LRPPRC: variants seen among roughly 807,000 people sequenced by gnomAD.
LRPPRC encodes the protein leucine rich pentatricopeptide repeat containing.
LRPPRC carries 120 observed loss-of-function variants against 180.3 expected under a neutral mutation model. The observed-to-expected ratio is 0.67, with a 90% CI of 0.57 to 0.77. The LOEUF (loss-of-function observed/expected upper bound fraction) is 0.77, where lower values mean the gene tolerates loss of function less well. Among genes scored for constraint, LRPPRC ranks in the 30% least tolerant of loss-of-function variants. The pLI, the probability that LRPPRC is intolerant of heterozygous loss-of-function variation, is 0.00. For missense variants in LRPPRC, 2,012 were observed against 1,657.2 expected (o/e 1.21, Z -3.72); for synonymous variants, 723 against 600.0 (o/e 1.21, Z -3.00).
intron 13 of LRPPRC, among the ~76,000 whole-genome samples, chr2:43,957,986 T>G (rs1001508458): frequency 4.7e-4 from 72 of 152,204 alleles, no homozygotes; most frequent in Admixed American, 4.5e-3. Context: ...AGGTCATACG[T>G]CCGTTATGTA....
At chr2:43,987,168 T>A (rs1464316369) in intron 1 of LRPPRC, among the ~76,000 whole-genome samples, 5 of 152,112 alleles carry the variant, frequency 3.3e-5, no homozygotes, top group Non-Finnish European at 5.9e-5. Context: ...TTTAAATGTA[T>A]CCAAAATGCA....
chr2:43,889,379 G>A (rs1430402716), intron 37 of LRPPRC, among the ~76,000 whole-genome samples: 1 of 139,166 alleles, frequency 7.2e-6, no homozygotes, highest in Non-Finnish European at 1.5e-5. Flanking sequence ...ACCAACTTAT[G>A]TAAATGAACA....
intron 23 of LRPPRC, among the ~76,000 whole-genome samples, chr2:43,935,944 G>A (rs889921667): frequency 2.6e-5 from 4 of 152,132 alleles, no homozygotes; most frequent in Admixed American, 1.3e-4. Context: ...TTAGCCGGGC[G>A]TGATGGCGCA....
intron 25 of LRPPRC, among the ~76,000 whole-genome samples, chr2:43,933,752 A>T (rs1019845578): frequency 6.6e-6 from 1 of 152,368 alleles, no homozygotes; most frequent in East Asian, 1.9e-4. Context: ...AGTTGCAGAC[A>T]GCACTTGTTT....
chr2:43,985,833 T>C (rs942875764), intron 1 of LRPPRC, among the ~76,000 whole-genome samples: 2 of 152,240 alleles, frequency 1.3e-5, no homozygotes, highest in African/African-American at 2.4e-5. Flanking sequence ...TTTGAACTCA[T>C]TTGGGTAAAT....
At chr2:43,898,098 AAAAGT>A (rs1055381980) in intron 34 of LRPPRC, among the ~76,000 whole-genome samples, 1 of 151,718 alleles carries the variant, frequency 6.6e-6, no homozygotes, top group Non-Finnish European at 1.5e-5. Flanking sequence ...ACAAAGGAAA[AAAAGT>A]AAACAAGCAA....
intron 20 of LRPPRC, 101 bp from the exon 21 acceptor site, chr2:43,946,344 C>A: frequency 1.2e-6 from 1 of 860,694 alleles, no homozygotes; most frequent in Non-Finnish European, 1.9e-6. Flanking sequence ...GTTAATAGTA[C>A]TTTAAAAATA....
Position 43,943,858 on chromosome 2 carries a change from T to C in LRPPRC, c.2333A>G (p.Asp778Gly). ...GGCTGTTGTATCTTTGATAAGAACA[T>C]CCTTCTCTTTCATCTCCTTCAGAAT... is the stretch of plus-strand genomic sequence containing the variant. ...INILKEMKEK[D>G]VLIKDTTALS... The change falls in exon 23 of 38, where the codon GAT (aspartate) becomes GGT (glycine). Residue 778 changes from aspartate to glycine, a missense_variant. Coordinates refer to ENST00000260665, the MANE Select transcript of LRPPRC (RefSeq NM_133259.4). The C allele has an allele frequency of 6.2e-7, 1 of 1,613,148 alleles. No individual in the cohort carries two copies. The highest frequency in any genetic ancestry group is 8.5e-7 in the Non-Finnish European group (1 of 1,179,242).
upstream of LRPPRC, chr2:43,996,046 G>C: frequency 2.3e-6 from 3 of 1,295,434 alleles, no homozygotes; most frequent in Non-Finnish European, 3.2e-6. Flanking sequence ...CAACTGCCGG[G>C]CGTGCCAAAT....
Position 43,994,964 on chromosome 2 carries a change from G to C in LRPPRC, c.149+835C>G, listed in dbSNP as rs183070584. On this transcript the variant is annotated intron_variant, in intron 1 of 37. Coordinates refer to ENST00000260665, the MANE Select transcript of LRPPRC (RefSeq NM_133259.4). ...TTCATTCAAAGACACTTACAGGACG[G>C]GAGCGGTGGCTCACACCTGTAATCC... Among the ~76,000 whole-genome samples the C allele has an allele frequency of 2.6e-5, 4 of 152,348 alleles. No individual in the cohort carries two copies. In the East Asian group the frequency reaches 5.8e-4, roughly 22 times the overall value.
chr2:43,980,895 C>T (rs1338033664), intron 2 of LRPPRC, among the ~76,000 whole-genome samples: 1 of 152,080 alleles, frequency 6.6e-6, no homozygotes, highest in Non-Finnish European at 1.5e-5. Context: ...TGTTCCAAAA[C>T]TGATTGTAGT....
chr2:43,891,425 CCAA>C (rs1275648045), intron 36 of LRPPRC, among the ~76,000 whole-genome samples: 7 of 152,180 alleles, frequency 4.6e-5, no homozygotes, highest in Non-Finnish European at 1.0e-4. Flanking sequence ...TGCCATTTTT[CCAA>C]CAATATGTGC....
At chr2:43,972,546 T>C (rs1348513231) in intron 11 of LRPPRC, among the ~76,000 whole-genome samples, 1 of 152,184 alleles carries the variant, frequency 6.6e-6, no homozygotes, top group East Asian at 1.9e-4. Context: ...TTTCTGTGGT[T>C]CCAAAACACT....
intron 27 of LRPPRC, among the ~76,000 whole-genome samples, chr2:43,923,710 T>A (rs1446282792): frequency 6.6e-6 from 1 of 152,008 alleles, no homozygotes; most frequent in African/African-American, 2.4e-5. Context: ...TAGTTTTTTT[T>A]TTTTTTTTCT....
In LRPPRC at chr2:43,914,786, C is replaced by G. The variant is rs373402114; in HGVS notation, c.3149-2228G>C. Among the ~76,000 whole-genome samples the G allele has an allele frequency of 2.6e-5, 4 of 152,064 alleles. No homozygotes were observed. The East Asian group carries it at 7.7e-4, about 29-fold the overall frequency. On this transcript the variant is annotated intron_variant, in intron 29 of 37. Transcript: ENST00000260665. Reference sequence around the variant, plus strand: ...GAAACCAATTAGATAAATGAAAATTCCAGAATAGAGGTAGCTCCACATTTA... The same window carrying G: ...GAAACCAATTAGATAAATGAAAATTGCAGAATAGAGGTAGCTCCACATTTA...
At chr2:43,907,104 A>T (rs1488371895) in intron 30 of LRPPRC, among the ~76,000 whole-genome samples, 1 of 152,244 alleles carries the variant, frequency 6.6e-6, no homozygotes, top group Non-Finnish European at 1.5e-5. Context: ...CCTACAATTC[A>T]TTAAAACCAC....
intron 30 of LRPPRC, among the ~76,000 whole-genome samples, chr2:43,909,138 G>A (rs915766091): frequency 2.0e-5 from 3 of 152,172 alleles, no homozygotes; most frequent in East Asian, 3.8e-4. Context: ...TGGATAATTC[G>A]TAACTTGAAC....
At chr2:43,986,311 G>C (rs748397984) in intron 1 of LRPPRC, among the ~76,000 whole-genome samples, 5 of 151,926 alleles carry the variant, frequency 3.3e-5, no homozygotes, top group Non-Finnish European at 5.9e-5. Flanking sequence ...TATATTTTTA[G>C]TACAGACGGA....
In LRPPRC at chr2:43,928,225, A is replaced by G. The variant is rs373040729; in HGVS notation, c.2737-2264T>C. ...AGGTTTACTTGTATAGGGGAAAAAA[A>G]AGTAATCCAAAGTCAAAAATAACTG... On this transcript the variant is annotated intron_variant, in intron 25 of 37. Transcript: ENST00000260665. 2.6e-5 allele frequency among the ~76,000 whole-genome samples: 4 copies of G among 152,346 alleles called. No homozygotes were observed. In the East Asian group the frequency reaches 5.8e-4, roughly 22 times the overall value.
Sources: allele counts gnomAD v4.1 joint callset (sites outside exome capture counted in the v4.1 genomes callset), GRCh38; gene constraint gnomAD v4.1.1; transcripts MANE v1.5; gene names NCBI Gene and HGNC (gene_info 2026-07-23, HGNC 2026-07-21).